PDLIM1: variants seen among roughly 807,000 people sequenced by gnomAD.
The protein encoded by PDLIM1 is PDZ and LIM domain 1.
A neutral mutation model predicts 35.2 loss-of-function variants in PDLIM1; 25 were observed. That is an observed-to-expected ratio of 0.71 (90% CI 0.52 to 0.99). The LOEUF (loss-of-function observed/expected upper bound fraction) is 0.99. PDLIM1 is among the 50% of genes least tolerant of loss of function. The pLI is 0.00. For synonymous variants in PDLIM1, 152 were observed against 154.0 expected, an observed-to-expected ratio of 0.99 and a Z score of 0.10; for missense variants, 363 against 415.3, an observed-to-expected ratio of 0.87 and a Z score of 1.09.
chr10:95,272,618 C>T (rs540203298), intron 1 of PDLIM1, among the ~76,000 whole-genome samples: 48 of 152,172 alleles, frequency 3.2e-4, no homozygotes, highest in African/African-American at 1.1e-3. Context: ...GAGCCAAGAT[C>T]ATGCCTCTGT....
chr10:95,280,681 T>C (rs1048371660), intron 1 of PDLIM1, among the ~76,000 whole-genome samples: 1 of 152,190 alleles, frequency 6.6e-6, no homozygotes, highest in Non-Finnish European at 1.5e-5. Context: ...CAGAGGTTTT[T>C]GCTTTGTTTT....
At chr10:95,259,759 T>C (rs1236610912) in intron 4 of PDLIM1, among the ~76,000 whole-genome samples, 1 of 152,334 alleles carries the variant, frequency 6.6e-6, no homozygotes, top group East Asian at 1.9e-4. Flanking sequence ...AAATGATGCA[T>C]CCCTTTATTT....
intron 5 of PDLIM1, among the ~76,000 whole-genome samples, chr10:95,239,694 G>A (rs180793666): frequency 2.5e-3 from 374 of 152,274 alleles, no homozygotes; most frequent in African/African-American, 8.7e-3. Flanking sequence ...TACTCAGGAG[G>A]CTGAGGCAAG....
intron 1 of PDLIM1, among the ~76,000 whole-genome samples, chr10:95,288,554 G>T (rs200843993): frequency 1.3e-5 from 2 of 149,082 alleles, no homozygotes; most frequent in Admixed American, 6.7e-5. Context: ...CACTGCAGAG[G>T]TTTTTTTTTT....
At chr10:95,263,144 C>CA (rs11433635) in intron 4 of PDLIM1, among the ~76,000 whole-genome samples, 33,937 of 119,446 alleles carry the variant, frequency 0.28, 4,543 homozygotes, top group Non-Finnish European at 0.34. Context: ...AAGCTTGTCT[C>CA]AAAAAAAAAA....
chr10:95,276,150 G>A (rs2035509648), intron 1 of PDLIM1, among the ~76,000 whole-genome samples: 1 of 152,118 alleles, frequency 6.6e-6, no homozygotes, highest in African/African-American at 2.4e-5. Flanking sequence ...TTACAGATGA[G>A]GAAATTGAGA....
At chr10:95,269,586 A>AG (rs1248020456) in intron 2 of PDLIM1, among the ~76,000 whole-genome samples, 17 of 151,428 alleles carry the variant, frequency 1.1e-4, no homozygotes, top group South Asian at 2.1e-4. Flanking sequence ...AAAAAAAAAA[A>AG]AGAGAAGAAC....
At chr10:95,289,706 A>G (rs2035635312) in intron 1 of PDLIM1, among the ~76,000 whole-genome samples, 1 of 152,204 alleles carries the variant, frequency 6.6e-6, no homozygotes, top group South Asian at 2.1e-4. Context: ...CCCCAAGTGA[A>G]AAAGAAGGAT....
chr10:95,248,360 T>C (rs566876450), intron 4 of PDLIM1, among the ~76,000 whole-genome samples: 297 of 152,212 alleles, frequency 2.0e-3, no homozygotes, highest in Non-Finnish European at 3.8e-3. Flanking sequence ...TAAATCCTCC[T>C]GCCTCGGCCT....
At chr10:95,238,278 G>A (rs1002942107) in intron 6 of PDLIM1, among the ~76,000 whole-genome samples, 167 bp from the exon 7 acceptor site, 1 of 152,180 alleles carries the variant, frequency 6.6e-6, no homozygotes, top group Non-Finnish European at 1.5e-5. Context: ...TAAGGGACTT[G>A]CTTCTCCTTC....
chr10:95,285,375 C>T lies in PDLIM1; in HGVS notation c.96+5445G>A, dbSNP rs45614037. Among the ~76,000 whole-genome samples, 90 of 152,314 alleles carry T rather than the reference C, an allele frequency of 5.9e-4. 5 individuals are homozygous for T. The East Asian group carries it at 0.016, about 27-fold the overall frequency. ...GTCTTATCCCTCATGTTGAAGCCTGCACCACCCTTAGCACTTTTCAGAGCT... is the reference window on the plus strand; with the variant it reads ...GTCTTATCCCTCATGTTGAAGCCTGTACCACCCTTAGCACTTTTCAGAGCT... On this transcript the variant is annotated intron_variant, in intron 1 of 6. Transcript: ENST00000329399.
chr10:95,248,410 C>T (rs940138680), intron 4 of PDLIM1, among the ~76,000 whole-genome samples: 3 of 152,124 alleles, frequency 2.0e-5, no homozygotes, highest in Non-Finnish European at 4.4e-5. Flanking sequence ...CCATCCCCCG[C>T]TGATTTTGTC....
chr10:95,262,720 T>C (rs2035375632), intron 4 of PDLIM1, among the ~76,000 whole-genome samples: 1 of 151,948 alleles, frequency 6.6e-6, no homozygotes, highest in African/African-American at 2.4e-5. Context: ...TACAGAGAAT[T>C]GGCCCCATCT....
At position 95,268,703 on chromosome 10, in the gene PDLIM1, G is replaced by T. The variant is rs190211065; in HGVS notation, c.333+75C>A. On this transcript the variant is annotated intron_variant, in intron 3 of 6. Coordinates refer to ENST00000329399, the MANE Select transcript of PDLIM1 (RefSeq NM_020992.4). ...CAGGCCTCCAGGGCAGGAAAAACAGGAATGTGCTGAGCAGTGTCAGAAACG... is the reference window on the plus strand; with the variant it reads ...CAGGCCTCCAGGGCAGGAAAAACAGTAATGTGCTGAGCAGTGTCAGAAACG... 766 of 923,894 alleles carry T rather than the reference G, an allele frequency of 8.3e-4. 11 individuals are homozygous for T. The East Asian group carries it at 0.013, about 16-fold the overall frequency. 57.2% of individuals were successfully genotyped at this position (923,894 alleles called of 1,614,324 possible). A position where few individuals can be genotyped will look rare whatever the true frequency, so the allele number is the denominator to read the frequency against.
intron 3 of PDLIM1, among the ~76,000 whole-genome samples, chr10:95,265,154 T>C (rs1437796231): frequency 6.6e-6 from 1 of 152,190 alleles, no homozygotes; most frequent in African/African-American, 2.4e-5. Flanking sequence ...CTGTCATCTG[T>C]TGCACTTCCT....
chr10:95,280,365 A>G (rs1398688255), intron 1 of PDLIM1, among the ~76,000 whole-genome samples: 2 of 152,172 alleles, frequency 1.3e-5, no homozygotes, highest in Non-Finnish European at 2.9e-5. Flanking sequence ...ACAGAGCGAG[A>G]TTCCATCTCC....
chr10:95,258,592 A>G (rs1333009192), intron 4 of PDLIM1, among the ~76,000 whole-genome samples: 1 of 152,222 alleles, frequency 6.6e-6, no homozygotes, highest in African/African-American at 2.4e-5. Flanking sequence ...AGACAAATGC[A>G]TGACTCCAAT....
rs2035641616 is a variant in PDLIM1, at chr10:95,290,304, G to A, written c.96+516C>T. Among the ~76,000 whole-genome samples, 2 of 152,158 alleles carry A rather than the reference G, an allele frequency of 1.3e-5. No homozygotes were observed. On this transcript the variant is annotated intron_variant, in intron 1 of 6. Coordinates refer to ENST00000329399, the MANE Select transcript of PDLIM1 (RefSeq NM_020992.4). The surrounding 1 kb of genome is among the most constrained non-coding windows in gnomAD (Gnocchi z 4.7). Reference sequence around the variant, plus strand: ...ATTCTCCAAAAGCCATTCGAGGGGCGAGCCTCGGCCGTGGGTCAAGTCCAA... The same window carrying A: ...ATTCTCCAAAAGCCATTCGAGGGGCAAGCCTCGGCCGTGGGTCAAGTCCAA...
At chr10:95,256,497 T>C (rs1206861405) in intron 4 of PDLIM1, among the ~76,000 whole-genome samples, 2 of 152,144 alleles carry the variant, frequency 1.3e-5, no homozygotes, top group African/African-American at 2.4e-5. Context: ...AAGACAGATA[T>C]AGAGACCAAT....
Sources: gnomAD v4.1 joint callset for allele counts (sites outside exome capture counted in the v4.1 genomes callset) on GRCh38, gnomAD v4.1.1 for gene constraint, Gnocchi (gnomAD v3.1) non-coding constraint, MANE v1.5 for transcripts, NCBI Gene and HGNC (gene_info 2026-07-23, HGNC 2026-07-21) for gene names.